DMTF1: variants seen among roughly 807,000 people sequenced by gnomAD.
The protein encoded by DMTF1 is cyclin D binding myb like transcription factor 1.
DMTF1 carries 39 observed loss-of-function variants against 91.1 expected under a neutral mutation model. That is an observed-to-expected ratio of 0.43 (90% confidence interval 0.33 to 0.56). DMTF1 has a LOEUF of 0.56. Ranked by LOEUF, DMTF1 falls within the 20% of genes least tolerant of loss-of-function variation. DMTF1 has a pLI of 0.05. For missense variants in DMTF1, 750 were observed against 914.5 expected (o/e 0.82, Z 2.32); for synonymous variants, 338 against 309.5 (o/e 1.09, Z -0.97).
intron 10 of DMTF1, among the ~76,000 whole-genome samples, chr7:87,183,698 A>T (rs1797839367): frequency 6.6e-6 from 1 of 152,228 alleles, no homozygotes; most frequent in African/African-American, 2.4e-5. Context: ...GAGGTAAAGA[A>T]GATGAAAAAA....
chr7:87,166,759 G>C (rs1406900375), intron 4 of DMTF1, among the ~76,000 whole-genome samples, 154 bp downstream of exon 4: 2 of 151,798 alleles, frequency 1.3e-5, no homozygotes, highest in African/African-American at 4.8e-5. Flanking sequence ...TAAATACTAT[G>C]TGCCAGGCAT....
At chr7:87,188,028 TTGC>T in intron 12 of DMTF1, 61 bp from the exon 13 acceptor site, 4 of 1,367,420 alleles carry the variant, frequency 2.9e-6, no homozygotes, top group Non-Finnish European at 4.2e-6. Flanking sequence ...CCCACCTCCC[TTGC>T]TGCTTAGATG....
At chr7:87,163,989 C>T (rs1793156164) in intron 2 of DMTF1, among the ~76,000 whole-genome samples, 1 of 145,174 alleles carries the variant, frequency 6.9e-6, no homozygotes, top group Non-Finnish European at 1.5e-5. Context: ...GCTCTAGGAC[C>T]CTTAAGACTG....
chr7:87,187,705 GC>G, intron 12 of DMTF1: 1 of 213,762 alleles, frequency 4.7e-6, no homozygotes, highest in South Asian at 7.2e-5. Context: ...TTCAGCCCTG[GC>G]GGGGAAAACA....
At chr7:87,194,863 AATTTTAGATGGAAAAAAACAGACATT>A in intron 17 of DMTF1, 35 bp downstream of exon 17, 1 of 1,571,748 alleles carries the variant, frequency 6.4e-7, no homozygotes, top group Non-Finnish European at 8.6e-7. Context: ...GTGCCTGATA[AATTTTAGATGGAAAAAAACAGACATT>A]TAATTAACTT....
chr7:87,192,108 A>G (rs1799963688), intron 14 of DMTF1, among the ~76,000 whole-genome samples: 1 of 152,076 alleles, frequency 6.6e-6, no homozygotes, highest in Admixed American at 6.6e-5. Context: ...TAAACAATAT[A>G]TGTACACACC....
At chr7:87,191,947 C>T (rs1244554601) in intron 14 of DMTF1, among the ~76,000 whole-genome samples, 4 of 152,146 alleles carry the variant, frequency 2.6e-5, no homozygotes, top group Non-Finnish European at 5.9e-5. Flanking sequence ...CCAGCCAAAT[C>T]CCAAGAGGAT....
intron 4 of DMTF1, among the ~76,000 whole-genome samples, chr7:87,168,762 T>A (rs976722845): frequency 6.6e-6 from 1 of 152,192 alleles, no homozygotes; most frequent in African/African-American, 2.4e-5. Context: ...ATCATTAACC[T>A]GAAGTGGGCT....
chr7:87,193,962 G>A lies in DMTF1; in HGVS notation c.1888G>A (p.Ala630Thr), dbSNP rs746365528. The A allele has an allele frequency of 1.2e-6, 2 of 1,613,240 alleles. No homozygotes were observed. Among genetic ancestry groups the A allele is most frequent in the African/African-American group, 2.7e-5 (2 of 74,846 alleles). The change falls in exon 16 of 18, where the codon GCT becomes ACT. Residue 630 changes from alanine (A) to threonine (T), a missense_variant. By Grantham distance (58) the Ala-to-Thr change is moderately conservative (BLOSUM62 0). Around this residue, in one of 3 missense-constraint regions of DMTF1, gnomAD observed 410 missense variants for 420.2 expected, o/e 0.98. Transcript: ENST00000331242. ...GACTGTGGAGCCATCATTTAATGAT[G>A]CTCATGTATCCAAATTCAGTGACCA... is the stretch of plus-strand genomic sequence containing the variant. ...KMTVEPSFND[A>T]HVSKFSDQNS...
chr7:87,182,826 A>G (rs1408949903), intron 10 of DMTF1, among the ~76,000 whole-genome samples: 1 of 152,248 alleles, frequency 6.6e-6, no homozygotes, highest in African/African-American at 2.4e-5. Flanking sequence ...ATATTTTTCC[A>G]TAGAAAAAAT....
chr7:87,182,036 T>C, intron 9 of DMTF1, 192 bp from the exon 10 acceptor site: 1 of 1,529,460 alleles, frequency 6.5e-7, no homozygotes, highest in South Asian at 1.2e-5. Context: ...AATTGCTGCC[T>C]GTTTTTTTTT....
intron 12 of DMTF1, 100 bp downstream of exon 12, chr7:87,186,080 A>C (rs537974654): frequency 2.3e-6 from 3 of 1,302,840 alleles, no homozygotes; most frequent in Non-Finnish European, 2.2e-6. Flanking sequence ...TAGAGATATC[A>C]TAGCAGATTT....
intron 12 of DMTF1, 31 bp from the exon 13 acceptor site, chr7:87,188,061 A>G (rs747544622): frequency 8.9e-6 from 14 of 1,579,404 alleles, no homozygotes; most frequent in East Asian, 4.5e-5. Flanking sequence ...CGGAGAATCA[A>G]TGTTCTTTTT....
At chr7:87,176,228 TC>T (rs1243919911) in intron 7 of DMTF1, among the ~76,000 whole-genome samples, 1 of 152,206 alleles carries the variant, frequency 6.6e-6, no homozygotes, top group East Asian at 1.9e-4. Flanking sequence ...CTCTAATTCT[TC>T]ACTAATAAAT....
chr7:87,161,792 G>A (rs1238298541), intron 1 of DMTF1, among the ~76,000 whole-genome samples: 2 of 152,210 alleles, frequency 1.3e-5, no homozygotes, highest in East Asian at 3.9e-4. Flanking sequence ...AATAAGCATT[G>A]TACTTTTTGC....
chr7:87,182,434 ATCATTCACCTTAGT>A, intron 10 of DMTF1, 97 bp downstream of exon 10: 1 of 1,117,940 alleles, frequency 8.9e-7, no homozygotes, highest in Non-Finnish European at 1.3e-6. Flanking sequence ...AGCGATTTAG[ATCATTCACCTTAGT>A]TCAGACTTTA....
At position 87,164,974 on chromosome 7, in the gene DMTF1, A is replaced by G. The variant is rs759269683; in HGVS notation, c.33A>G (p.Val11=). ...CAGTGGAAGAGGATTCTGACACAGT[A>G]ACAGTAGAAACTGTGAACTCTGTGA... MSTVEEDSDT[V]TVETVNSVTL... is the part of the protein sequence containing the mutation. The change falls in exon 3 of 18, where the codon GTA becomes GTG. Residue 11 remains valine, a synonymous_variant. Transcript: ENST00000331242. The G allele has an allele frequency of 1.4e-5, 23 of 1,609,280 alleles. No homozygotes were observed. The highest frequency in any genetic ancestry group is 1.9e-5 in the Non-Finnish European group (22 of 1,177,662).
rs1174232662 is a variant in DMTF1 at position 87,195,274 on chromosome 7, T to C, written c.*134T>C. The C allele has an allele frequency of 4.8e-6, 3 of 621,944 alleles. No homozygotes were observed. Among genetic ancestry groups the C allele is most frequent in the Non-Finnish European group, 5.6e-6 (2 of 354,114 alleles). The allele number at this position is 621,944 out of a possible 1,614,324, so 38.5% of individuals were successfully genotyped here. A position where few individuals can be genotyped will look rare whatever the true frequency, so the allele number is the denominator to read the frequency against. Reference sequence around the variant, plus strand: ...AGCCACAGTCCTTAAGCCACACACATTGTTGCTGCTATGACTTTTTACCTC... The same window carrying C: ...AGCCACAGTCCTTAAGCCACACACACTGTTGCTGCTATGACTTTTTACCTC... On this transcript the variant is annotated 3_prime_UTR_variant, in exon 18 of 18. Transcript: ENST00000331242.
chr7:87,179,582 A>G lies in DMTF1; in HGVS notation c.557A>G (p.Glu186Gly), dbSNP rs746081360. Residue 186 changes from glutamate (E) to glycine (G), a missense_variant, in exon 8 of 18, where the codon GAG (glutamate) becomes GGG (glycine). Around this residue, in one of 3 missense-constraint regions of DMTF1, gnomAD observed 190 missense variants for 343.8 expected, o/e 0.55. Transcript: ENST00000331242. The part of the protein sequence containing the change: ...GIKDATEIIF[E>G]MSKDERKDFY... ...AAAGATGCTACAGAAATCATCTTTG[A>G]GATGTCAAAAGACGAAAGAAAAGAT... is the stretch of plus-strand genomic sequence containing the variant. The G allele has an allele frequency of 6.4e-7, 1 of 1,557,840 alleles. No homozygotes were observed. Among genetic ancestry groups the G allele is most frequent in the South Asian group, 1.3e-5 (1 of 78,828 alleles).
Sources: allele counts gnomAD v4.1 joint callset (sites outside exome capture counted in the v4.1 genomes callset), GRCh38; gene constraint gnomAD v4.1.1; regional missense constraint gnomAD v4.1.1; transcripts MANE v1.5; gene names NCBI Gene and HGNC (gene_info 2026-07-23, HGNC 2026-07-21).